The following SYT11 variants were observed in gnomAD, a reference collection of about 807,000 sequenced individuals.
The protein encoded by SYT11 is synaptotagmin-11.
Under a neutral mutation model 30.4 loss-of-function variants are expected in SYT11, and 12 were observed. That is an observed-to-expected ratio of 0.39 (90% CI 0.25 to 0.64). SYT11 has a LOEUF of 0.64. SYT11 is among the 30% of genes least tolerant of loss of function. The pLI is 0.45. For synonymous variants in SYT11, 204 were observed against 216.0 expected (o/e 0.94, Z 0.49); for missense variants, 412 against 552.0 (o/e 0.75, Z 2.54).
chr1:155,867,657 C>T (rs1672702385), intron 1 of SYT11, among the ~76,000 whole-genome samples: 1 of 152,062 alleles, frequency 6.6e-6, no homozygotes, highest in Non-Finnish European at 1.5e-5. Context: ...ATGTGAAGCA[C>T]AAATCAGTAT....
At chr1:155,870,915 C>T (rs822519) in intron 2 of SYT11, among the ~76,000 whole-genome samples, 128,776 of 152,138 alleles carry the variant, frequency 0.85, 56,099 homozygotes, top group Non-Finnish European at 0.94. Flanking sequence ...GTCCAAGAAT[C>T]TTGAAGAATA....
In SYT11 at chr1:155,879,755, TG is replaced by T. The variant is rs574065414; in HGVS notation, c.862-744del. Among the ~76,000 whole-genome samples, 147 of 152,382 alleles carry T rather than the reference TG, an allele frequency of 9.6e-4. 1 individual carries two copies. The highest frequency in any genetic ancestry group is 3.6e-3 in the Admixed American group (55 of 15,302). Reference sequence around the variant, plus strand: ...GGATGCACTTCTATAGTGCGCACTATGTGCTGGGCACCATTGCAGTTTACAA... The same window carrying T: ...GGATGCACTTCTATAGTGCGCACTATTGCTGGGCACCATTGCAGTTTACAA... On this transcript the variant is annotated intron_variant, in intron 2 of 3. Coordinates refer to ENST00000368324, the MANE Select transcript of SYT11 (RefSeq NM_152280.5).
chr1:155,863,214 A>G (rs76838616), intron 1 of SYT11, among the ~76,000 whole-genome samples: 9,923 of 152,190 alleles, frequency 0.065, 398 homozygotes, highest in African/African-American at 0.11. Context: ...CCAGCGACTC[A>G]AGAGACTGAG....
At chr1:155,866,093 A>G (rs976568492) in intron 1 of SYT11, among the ~76,000 whole-genome samples, 20 of 142,024 alleles carry the variant, frequency 1.4e-4, no homozygotes, top group African/African-American at 5.2e-4. Flanking sequence ...AAAAAAATCT[A>G]TTTCTCTTTC....
chr1:155,873,760 A>C (rs1672816181), intron 2 of SYT11, among the ~76,000 whole-genome samples: 1 of 152,186 alleles, frequency 6.6e-6, no homozygotes, highest in African/African-American at 2.4e-5. Context: ...AGGAACTATA[A>C]TTTTAATTTT....
rs1673031915 is a variant in SYT11, at chr1:155,884,343, G to A, written c.*2835G>A. The stretch of plus-strand genomic sequence containing the variant: ...TATTCCTTGCATCTTTGGGTCTACT[G>A]AGCAGTGGGTGCTGAGGTGACAGGG... On this transcript the variant is annotated 3_prime_UTR_variant, in exon 4 of 4. Coordinates refer to ENST00000368324, the MANE Select transcript of SYT11 (RefSeq NM_152280.5). 1 of 152,762 alleles carries A rather than the reference G, an allele frequency of 6.5e-6. No homozygotes were observed. Among genetic ancestry groups the A allele is most frequent in the Non-Finnish European group, 1.5e-5 (1 of 68,082 alleles). The allele number at this position is 152,762 out of a possible 1,614,324, so 9.5% of individuals were successfully genotyped here.
Position 155,868,085 on chromosome 1 carries a change from C to G in SYT11, c.155C>G (p.Pro52Arg). The change falls in exon 2 of 4, where the codon CCA becomes CGA. Residue 52 changes from proline (P) to arginine (R), a missense_variant. Transcript: ENST00000368324. The surrounding 1 kb of genome is among the most constrained non-coding windows in gnomAD (Gnocchi z 4.7). Reference protein sequence around the residue: ...QQAEKKQKNPPYKFIHMLKGI... With the variant: ...QQAEKKQKNPRYKFIHMLKGI... The stretch of plus-strand genomic sequence containing the variant: ...GCAGAGAAGAAGCAGAAGAACCCAC[C>G]ATACAAGTTTATTCACATGCTCAAA... 6.2e-7 allele frequency: 1 copy of G among 1,614,088 alleles called. No homozygotes were observed. Among genetic ancestry groups the G allele is most frequent in the Non-Finnish European group, 8.5e-7 (1 of 1,180,010 alleles).
chr1:155,874,711 A>G (rs1273724364), intron 2 of SYT11, among the ~76,000 whole-genome samples: 1 of 149,576 alleles, frequency 6.7e-6, no homozygotes, highest in Non-Finnish European at 1.5e-5. Context: ...TAACACGGTG[A>G]AACCCCGTCT....
intron 2 of SYT11, among the ~76,000 whole-genome samples, chr1:155,876,411 A>G (rs1242296883): frequency 2.0e-5 from 3 of 151,608 alleles, no homozygotes; most frequent in Non-Finnish European, 4.4e-5. Flanking sequence ...ACGCCCGGCT[A>G]ATTTTTTTGT....
chr1:155,870,584 T>A (rs1202443278), intron 2 of SYT11, among the ~76,000 whole-genome samples: 1 of 152,234 alleles, frequency 6.6e-6, no homozygotes, highest in African/African-American at 2.4e-5. Flanking sequence ...TATTTCTTGA[T>A]ACCTTTTTTA....
chr1:155,876,285 T>G (rs999803644), intron 2 of SYT11, among the ~76,000 whole-genome samples: 5 of 127,120 alleles, frequency 3.9e-5, no homozygotes, highest in Non-Finnish European at 8.0e-5. Flanking sequence ...TCGCTCCGTC[T>G]CCCAGGCTGG....
rs548557426 is a variant in SYT11, at chr1:155,862,089, G to A, written c.34+2294G>A. Among the ~76,000 whole-genome samples, 3 of 152,328 alleles carry A rather than the reference G, an allele frequency of 2.0e-5. No homozygotes were observed. The South Asian group carries it at 6.2e-4, about 32-fold the overall frequency. On this transcript the variant is annotated intron_variant, in intron 1 of 3. Transcript: ENST00000368324. Reference sequence around the variant, plus strand: ...GCCAATAGCCCAGATGTGTCTTGCAGGTCTTTAAACCATTACAGAGGATCT... The same window carrying A: ...GCCAATAGCCCAGATGTGTCTTGCAAGTCTTTAAACCATTACAGAGGATCT...
At chr1:155,879,584 T>A (rs1290131326) in intron 2 of SYT11, among the ~76,000 whole-genome samples, 1 of 152,144 alleles carries the variant, frequency 6.6e-6, no homozygotes, top group Non-Finnish European at 1.5e-5. Flanking sequence ...GGTGTGGATA[T>A]TCACCCTGTG....
rs1557951348 is a variant in SYT11 at position 155,881,269 on chromosome 1, T to C, written c.1057T>C (p.Cys353Arg). 1 of 1,614,098 alleles carries C rather than the reference T, an allele frequency of 6.2e-7. No homozygotes were observed. The highest frequency in any genetic ancestry group is 8.5e-7 in the Non-Finnish European group (1 of 1,180,018). Residue 353 changes from cysteine (C) to arginine (R), a missense_variant, in exon 4 of 4, where the codon TGC (cysteine) becomes CGC (arginine). Coordinates refer to ENST00000368324, the MANE Select transcript of SYT11 (RefSeq NM_152280.5). Reference protein sequence around the residue: ...IAKKKTHVKKCTLNPIFNESF... With the variant: ...IAKKKTHVKKRTLNPIFNESF... ...CAAGAAGAAAACCCATGTGAAGAAG[T>C]GCACTTTGAACCCCATCTTCAATGA...
Position 155,859,603 on chromosome 1 carries a change from C to G in SYT11, c.-159C>G. The stretch of plus-strand genomic sequence containing the variant: ...GGAGCATCTTAAGAGCTGAGCGCAG[C>G]TGACAACTAGGGGCCGGACCGTCGC... On this transcript the variant is annotated 5_prime_UTR_variant, in exon 1 of 4. Coordinates refer to ENST00000368324, the MANE Select transcript of SYT11 (RefSeq NM_152280.5). 1.4e-6 allele frequency: 1 copy of G among 717,794 alleles called. No individual in the cohort carries two copies. The highest frequency in any genetic ancestry group is 1.6e-5 in the South Asian group (1 of 64,152). 44.5% of individuals were successfully genotyped at this position (717,794 alleles called of 1,614,324 possible). A position where few individuals can be genotyped will look rare whatever the true frequency, so the allele number is the denominator to read the frequency against.
intron 2 of SYT11, among the ~76,000 whole-genome samples, chr1:155,874,056 T>G (rs551231774): frequency 7.3e-4 from 111 of 152,188 alleles, no homozygotes; most frequent in African/African-American, 2.1e-3. Flanking sequence ...ATTCCAGCAC[T>G]TAAGGAGGCT....
At chr1:155,863,606 T>C (rs1252488847) in intron 1 of SYT11, among the ~76,000 whole-genome samples, 2 of 152,040 alleles carry the variant, frequency 1.3e-5, no homozygotes, top group African/African-American at 4.8e-5. Context: ...GGCAATATAG[T>C]GAAGACTCAT....
At chr1:155,878,206 GT>G (rs1377415226) in intron 2 of SYT11, among the ~76,000 whole-genome samples, 1 of 151,924 alleles carries the variant, frequency 6.6e-6, no homozygotes, top group African/African-American at 2.4e-5. Context: ...TCTCACCACT[GT>G]CCTTCAGCCT....
rs1307823220 is a variant in SYT11, at chr1:155,867,970, T to C, written c.40T>C (p.Ser14Pro). The change falls in exon 2 of 4, where the codon TCA becomes CCA. Residue 14 changes from serine to proline, a missense_variant. Coordinates refer to ENST00000368324, the MANE Select transcript of SYT11 (RefSeq NM_152280.5). The part of the protein sequence containing the change: ...ITNIRPSFDV[S>P]PVVAGLIGAS... ...TCTCTGATCTCCGCCTTCAGATGTG[T>C]CACCGGTGGTGGCCGGCCTCATCGG... The C allele has an allele frequency of 6.2e-7, 1 of 1,607,068 alleles. No individual in the cohort carries two copies. Among genetic ancestry groups the C allele is most frequent in the Non-Finnish European group, 8.5e-7 (1 of 1,177,372 alleles).
Sources: gnomAD v4.1 joint callset for allele counts (sites outside exome capture counted in the v4.1 genomes callset) on GRCh38, gnomAD v4.1.1 for gene constraint, Gnocchi (gnomAD v3.1) non-coding constraint, MANE v1.5 for transcripts, NCBI Gene and HGNC (gene_info 2026-07-23, HGNC 2026-07-21) for gene names.